ARID2: variants seen among roughly 807,000 people sequenced by gnomAD.
The protein encoded by ARID2 is AT-rich interaction domain 2.
In ARID2, 32 loss-of-function variants were observed where a neutral mutation model predicts 184.6. The observed-to-expected ratio is 0.17, with a 90% CI of 0.13 to 0.23. The LOEUF (loss-of-function observed/expected upper bound fraction) is 0.23, where lower values mean the gene tolerates loss of function less well. ARID2 is among the 10% of genes least tolerant of loss of function. The pLI is 1.00. For synonymous variants in ARID2, 836 were observed against 772.6 expected (o/e 1.08, Z -1.36); for missense variants, 1,696 against 2,197.6 (o/e 0.77, Z 4.56).
intron 16 of ARID2, among the ~76,000 whole-genome samples, chr12:45,875,055 G>A (rs1356538154): frequency 5.3e-5 from 8 of 152,158 alleles, no homozygotes; most frequent in Admixed American, 4.6e-4. Flanking sequence ...CCCAGGAGGC[G>A]GAGTTTGCAG....
At chr12:45,813,556 A>G (rs1307930342) in intron 4 of ARID2, among the ~76,000 whole-genome samples, 2 of 151,814 alleles carry the variant, frequency 1.3e-5, no homozygotes, top group African/African-American at 2.4e-5. Flanking sequence ...ATGTATTTAC[A>G]TATTTGATCA....
intron 10 of ARID2, 51 bp from the exon 11 acceptor site, chr12:45,839,278 A>G (rs746426832): frequency 1.3e-6 from 2 of 1,489,320 alleles, no homozygotes; most frequent in Non-Finnish European, 1.8e-6. Flanking sequence ...CAGTGATGGC[A>G]TTCATTTATA....
At chr12:45,812,289 T>G (rs1246656971) in intron 4 of ARID2, among the ~76,000 whole-genome samples, 1 of 151,878 alleles carries the variant, frequency 6.6e-6, no homozygotes, top group Non-Finnish European at 1.5e-5. Flanking sequence ...ATCATTATTA[T>G]TATTTACTGG....
chr12:45,831,279 A>G (rs973474392), intron 6 of ARID2, among the ~76,000 whole-genome samples: 1 of 152,170 alleles, frequency 6.6e-6, no homozygotes, highest in African/African-American at 2.4e-5. Context: ...ACCTCTAAGC[A>G]CAGCTTAACT....
At chr12:45,821,853 C>A (rs1332251223) in intron 6 of ARID2, among the ~76,000 whole-genome samples, 1 of 152,060 alleles carries the variant, frequency 6.6e-6, no homozygotes, top group African/African-American at 2.4e-5. Context: ...GCCATCAAAT[C>A]CTCAAAAAGA....
intron 3 of ARID2, among the ~76,000 whole-genome samples, chr12:45,802,232 A>G (rs902580932): frequency 6.6e-6 from 1 of 151,936 alleles, no homozygotes; most frequent in Non-Finnish European, 1.5e-5. Context: ...ACTCTTGGCT[A>G]ATTTTTTATT....
At chr12:45,822,326 A>T (rs1942913288) in intron 6 of ARID2, among the ~76,000 whole-genome samples, 1 of 151,974 alleles carries the variant, frequency 6.6e-6, no homozygotes, top group Admixed American at 6.6e-5. Context: ...ACAAAGCAAG[A>T]CCCCATCCCT....
chr12:45,855,081 A>T (rs1031771927), intron 15 of ARID2, among the ~76,000 whole-genome samples: 1 of 152,038 alleles, frequency 6.6e-6, no homozygotes, highest in Non-Finnish European at 1.5e-5. Flanking sequence ...TAACATATTG[A>T]TTATTTGAGC....
intron 6 of ARID2, among the ~76,000 whole-genome samples, chr12:45,823,536 G>A (rs968850826): frequency 1.1e-4 from 17 of 151,850 alleles, no homozygotes; most frequent in Admixed American, 6.6e-4. Context: ...AAACAAAATT[G>A]AGAAACCACT....
At chr12:45,774,167 G>A (rs1430894045) in intron 3 of ARID2, among the ~76,000 whole-genome samples, 8 of 152,140 alleles carry the variant, frequency 5.3e-5, no homozygotes. Flanking sequence ...AATGTTTAAA[G>A]TGTGTTTATA....
At chr12:45,834,440 CTA>C (rs1943177406) in intron 6 of ARID2, among the ~76,000 whole-genome samples, 1 of 152,036 alleles carries the variant, frequency 6.6e-6, no homozygotes, top group African/African-American at 2.4e-5. Context: ...TTAAAAAATT[CTA>C]TGTTGGCAGG....
chr12:45,833,081 T>G (rs1943151577), intron 6 of ARID2, among the ~76,000 whole-genome samples: 1 of 152,182 alleles, frequency 6.6e-6, no homozygotes. Context: ...TGTACTTAAT[T>G]GTGGATATTT....
chr12:45,852,264 A>G lies in ARID2; in HGVS notation c.4141A>G (p.Thr1381Ala), dbSNP rs1943565678. ...AAGCAAAAACATTCCAAATCATAAA[A>G]CTTCCAATCATGTAGGAAATGGTGA... ...HLSKNIPNHK[T>A]SNHVGNGEIS... is the part of the protein sequence containing the mutation. Residue 1381 changes from threonine to alanine, a missense_variant, in exon 15 of 21, where the codon ACT (threonine) becomes GCT (alanine). Coordinates refer to ENST00000334344, the MANE Select transcript of ARID2 (RefSeq NM_152641.4). 1.2e-6 allele frequency: 2 copies of G among 1,613,966 alleles called. No individual in the cohort carries two copies.
Position 45,906,097 on chromosome 12 carries a change from T to C in ARID2, c.*1019T>C. On this transcript the variant is annotated 3_prime_UTR_variant, in exon 21 of 21. Coordinates refer to ENST00000334344, the MANE Select transcript of ARID2 (RefSeq NM_152641.4). ...CTTAACATGTATCCACTGTAAACGT[T>C]TGTCGTGTACAAGCTCAGAGCTTGG... The C allele has an allele frequency of 4.3e-6, 1 of 232,740 alleles. No homozygotes were observed. Among genetic ancestry groups the C allele is most frequent in the East Asian group, 6.1e-5 (1 of 16,340 alleles). The allele number at this position is 232,740 out of a possible 1,614,324, so 14.4% of individuals were successfully genotyped here.
At chr12:45,847,279 A>G (rs1344136454) in intron 12 of ARID2, among the ~76,000 whole-genome samples, 1 of 152,130 alleles carries the variant, frequency 6.6e-6, no homozygotes, top group African/African-American at 2.4e-5. Context: ...TTCTTCTAAA[A>G]TTAACATTTT....
rs71067909 is a variant in ARID2, at chr12:45,901,154, A to ATTTT, written c.5364-3749_5364-3746dup. ...AATCTATTTTTTGGAAATTTCCTTA[A>ATTTT]TTTTTTTTTTTTTTTTTTTTTTTTT... is the stretch of plus-strand genomic sequence containing the variant. On this transcript the variant is annotated intron_variant, in intron 20 of 20. Coordinates refer to ENST00000334344, the MANE Select transcript of ARID2 (RefSeq NM_152641.4). Among the ~76,000 whole-genome samples the ATTTT allele has an allele frequency of 8.2e-4, 37 of 44,960 alleles. 4 individuals carry two copies. The highest frequency in any genetic ancestry group is 1.8e-3 in the African/African-American group (13 of 7,158). 29.5% of individuals were successfully genotyped at this position (44,960 alleles called of 152,430 possible).
At chr12:45,753,132 G>A (rs969488035) in intron 3 of ARID2, among the ~76,000 whole-genome samples, 5 of 151,702 alleles carry the variant, frequency 3.3e-5, no homozygotes, top group African/African-American at 7.3e-5. Flanking sequence ...GTGTGGTGGC[G>A]CATGCCTGTA....
chr12:45,822,523 G>A lies in ARID2; in HGVS notation c.705+1036G>A, dbSNP rs570606023. Among the ~76,000 whole-genome samples, 5 of 152,150 alleles carry A rather than the reference G, an allele frequency of 3.3e-5. No individual in the cohort carries two copies. The South Asian group carries it at 1.0e-3, about 32-fold the overall frequency. ...CCACTGCACTCTAGTCTGGGTGACA[G>A]AGCAAGACCTGTCTCTAAAATCAAC... On this transcript the variant is annotated intron_variant, in intron 6 of 20. Coordinates refer to ENST00000334344, the MANE Select transcript of ARID2 (RefSeq NM_152641.4).
chr12:45,851,790 T>A lies in ARID2; in HGVS notation c.3667T>A (p.Ser1223Thr), dbSNP rs1565623928. The A allele has an allele frequency of 4.3e-6, 7 of 1,613,904 alleles. No homozygotes were observed. Among genetic ancestry groups the A allele is most frequent in the Non-Finnish European group, 5.9e-6 (7 of 1,180,000 alleles). ...PVQTLPATQASPAGQSSCTTA... is the reference protein window; with the variant it reads ...PVQTLPATQATPAGQSSCTTA... ...ACAAACGCTTCCAGCCACTCAAGCA[T>A]CTCCTGCTGGACAATCATCATGTAC... is the stretch of plus-strand genomic sequence containing the variant. The change falls in exon 15 of 21, where the codon TCT (serine) becomes ACT (threonine). Residue 1223 changes from serine (S) to threonine (T), a missense_variant. Ser to Thr is a moderately conservative substitution (Grantham distance 58). Around this residue, in one of 11 missense-constraint regions of ARID2, gnomAD observed 428 missense variants for 409.1 expected, o/e 1.05. Coordinates refer to ENST00000334344, the MANE Select transcript of ARID2 (RefSeq NM_152641.4).
Sources: gnomAD v4.1 joint callset for allele counts (sites outside exome capture counted in the v4.1 genomes callset) on GRCh38, gnomAD v4.1.1 for gene constraint, gnomAD v4.1.1 regional missense constraint, MANE v1.5 for transcripts, NCBI Gene and HGNC (gene_info 2026-07-23, HGNC 2026-07-21) for gene names.